Variants in LTBP1 observed in about 807,000 individuals in gnomAD.
LTBP1 encodes latent-transforming growth factor beta-binding protein 1.
A neutral mutation model predicts 207.6 loss-of-function variants in LTBP1; 129 were observed. The observed-to-expected ratio is 0.62, with a 90% confidence interval of 0.54 to 0.72. The LOEUF is 0.72. LTBP1 is among the 30% of genes least tolerant of loss of function. LTBP1 has a pLI of 0.00. For missense variants in LTBP1, 2,281 were observed against 2,217.2 expected (o/e 1.03, Z -0.58); for synonymous variants, 963 against 833.7 (o/e 1.16, Z -2.67).
At chr2:33,316,498 A>T (rs965571866) in intron 24 of LTBP1, among the ~76,000 whole-genome samples, 2 of 152,106 alleles carry the variant, frequency 1.3e-5, no homozygotes, top group Non-Finnish European at 1.5e-5. Flanking sequence ...TGTTGAAATT[A>T]CTCTCCTGCT....
intron 3 of LTBP1, among the ~76,000 whole-genome samples, chr2:33,062,533 A>C (rs2077315701): frequency 6.6e-6 from 1 of 152,118 alleles, no homozygotes; most frequent in East Asian, 1.9e-4. Context: ...CTAGTTGTTC[A>C]GGATCATTTG....
At chr2:32,974,417 A>G (rs1329092182) in intron 2 of LTBP1, among the ~76,000 whole-genome samples, 1 of 152,058 alleles carries the variant, frequency 6.6e-6, no homozygotes, top group Non-Finnish European at 1.5e-5. Context: ...TCTTTTGCCC[A>G]TTTTCGATGG....
At chr2:32,973,089 T>G (rs1330367587) in intron 2 of LTBP1, among the ~76,000 whole-genome samples, 1 of 150,952 alleles carries the variant, frequency 6.6e-6, no homozygotes, top group African/African-American at 2.4e-5. Flanking sequence ...ATGTGCCATG[T>G]GAAGATGAAA....
chr2:33,285,978 A>G lies in LTBP1; in HGVS notation c.3112+5820A>G, dbSNP rs542875097. ...TGTAGGGTCATTAGTGATTCCTAAC[A>G]AATGTTCAGGCATCTATAATAATGC... On this transcript the variant is annotated intron_variant, in intron 19 of 33. Coordinates refer to ENST00000404816, the MANE Select transcript of LTBP1 (RefSeq NM_206943.4). 2.6e-5 allele frequency: 4 copies of G among 152,254 alleles called. No individual in the cohort carries two copies. In the East Asian group the frequency reaches 5.8e-4, roughly 22 times the overall value. 9.4% of individuals were successfully genotyped at this position (152,254 alleles called of 1,614,324 possible). A position where few individuals can be genotyped will look rare whatever the true frequency, so the allele number is the denominator to read the frequency against.
intron 5 of LTBP1, among the ~76,000 whole-genome samples, chr2:33,163,232 G>A (rs1461836174): frequency 1.3e-5 from 2 of 152,168 alleles, no homozygotes; most frequent in Non-Finnish European, 2.9e-5. Flanking sequence ...ACTTGCCAAG[G>A]CCTCCCAAAG....
intron 26 of LTBP1, among the ~76,000 whole-genome samples, chr2:33,351,948 T>C (rs765319468): frequency 6.6e-6 from 1 of 152,200 alleles, no homozygotes; most frequent in Non-Finnish European, 1.5e-5. Flanking sequence ...AGTCAACCAT[T>C]ACTTATATGA....
intron 11 of LTBP1, among the ~76,000 whole-genome samples, chr2:33,253,856 T>C (rs1010771041): frequency 4.6e-5 from 7 of 151,426 alleles, no homozygotes; most frequent in Non-Finnish European, 2.9e-5. Flanking sequence ...CCTCTTGTGC[T>C]CTTGCTCTTG....
chr2:33,351,168 T>C (rs2094776587), intron 26 of LTBP1, among the ~76,000 whole-genome samples: 1 of 152,218 alleles, frequency 6.6e-6, no homozygotes, highest in South Asian at 2.1e-4. Context: ...CGCTAATACA[T>C]CTTATTCCCA....
At chr2:33,169,595 AT>A (rs1329937377) in intron 5 of LTBP1, among the ~76,000 whole-genome samples, 1 of 152,262 alleles carries the variant, frequency 6.6e-6, no homozygotes, top group Non-Finnish European at 1.5e-5. Flanking sequence ...CTTTTTAAGA[AT>A]TGAAACCATA....
chr2:33,143,503 T>G (rs1469837374), intron 5 of LTBP1, among the ~76,000 whole-genome samples: 1 of 152,116 alleles, frequency 6.6e-6, no homozygotes, highest in Non-Finnish European at 1.5e-5. Context: ...GAAGACTATG[T>G]TAGAGTTTAG....
At chr2:33,022,631 A>G (rs1030914815) in intron 3 of LTBP1, among the ~76,000 whole-genome samples, 10 of 152,326 alleles carry the variant, frequency 6.6e-5, no homozygotes, top group South Asian at 4.1e-4. Flanking sequence ...CAGTATTACA[A>G]TTTAAACAGA....
chr2:33,134,470 C>A lies in LTBP1; in HGVS notation c.1034-323C>A. On this transcript the variant is annotated intron_variant, in intron 4 of 33. Coordinates refer to ENST00000404816, the MANE Select transcript of LTBP1 (RefSeq NM_206943.4). This position sits in a 1 kb window ranked among gnomAD's most constrained non-coding sequence, Gnocchi z 4.4. ...TTAATCTGTCGTGCCCTCGGTATTG[C>A]TCTTTGTCTGCCCGTGAATAAAGTG... is the stretch of plus-strand genomic sequence containing the variant. The A allele has an allele frequency of 9.1e-7, 1 of 1,101,328 alleles. No individual in the cohort carries two copies. The highest frequency in any genetic ancestry group is 1.3e-6 in the Non-Finnish European group (1 of 775,380). 68.2% of individuals were successfully genotyped at this position (1,101,328 alleles called of 1,614,324 possible).
intron 24 of LTBP1, among the ~76,000 whole-genome samples, chr2:33,332,372 C>CAAAA (rs745342264): frequency 5.1e-4 from 27 of 52,472 alleles, no homozygotes; most frequent in East Asian, 1.6e-3. Context: ...ACACCATCTC[C>CAAAA]AAAAAAAAAA....
intron 3 of LTBP1, among the ~76,000 whole-genome samples, chr2:33,040,606 C>T (rs1455345089): frequency 1.3e-5 from 2 of 152,198 alleles, no homozygotes; most frequent in Admixed American, 6.5e-5. Context: ...GCCTCACTGT[C>T]TCTTCCCTCT....
At chr2:32,967,630 C>T (rs1680196765) in intron 2 of LTBP1, among the ~76,000 whole-genome samples, 1 of 151,814 alleles carries the variant, frequency 6.6e-6, no homozygotes, top group Admixed American at 6.6e-5. Flanking sequence ...GGGATTTTTC[C>T]AGTTATTGTT....
chr2:33,138,920 G>A (rs374104960), intron 5 of LTBP1, among the ~76,000 whole-genome samples: 20 of 135,492 alleles, frequency 1.5e-4, no homozygotes, highest in South Asian at 2.5e-4. Flanking sequence ...GTGCAGTGGC[G>A]CGATCTCGGC....
intron 3 of LTBP1, among the ~76,000 whole-genome samples, chr2:33,050,287 G>A (rs1281885074): frequency 6.6e-6 from 1 of 151,806 alleles, no homozygotes; most frequent in Non-Finnish European, 1.5e-5. Context: ...CTGTTTCCAA[G>A]CCCAGGACTC....
chr2:33,313,728 G>A (rs974652375), intron 23 of LTBP1, among the ~76,000 whole-genome samples: 15 of 152,140 alleles, frequency 9.9e-5, no homozygotes, highest in African/African-American at 1.9e-4. Context: ...TTCAGTTAGC[G>A]GAGAAGGAAA....
intron 2 of LTBP1, among the ~76,000 whole-genome samples, chr2:32,961,552 AT>A (rs755197268): frequency 7.1e-6 from 1 of 141,198 alleles, no homozygotes; most frequent in African/African-American, 2.6e-5. Context: ...GGTTTTGTTC[AT>A]CCCCCCCACC....
Sources: gnomAD v4.1 joint callset for allele counts (sites outside exome capture counted in the v4.1 genomes callset) on GRCh38, gnomAD v4.1.1 for gene constraint, Gnocchi (gnomAD v3.1) non-coding constraint, MANE v1.5 for transcripts, NCBI Gene and HGNC (gene_info 2026-07-23, HGNC 2026-07-21) for gene names.